H2BC15: variants seen among roughly 807,000 people sequenced by gnomAD.
The protein encoded by H2BC15 is H2B clustered histone 15.
A neutral mutation model predicts 6.6 loss-of-function variants in H2BC15; 5 were observed. The ratio of observed to expected loss-of-function variants is 0.75; its 90% CI spans 0.39 to 1.59. The LOEUF is 1.59. Among genes scored for constraint, H2BC15 ranks in the 40% most tolerant of loss-of-function variants. H2BC15 has a pLI of 0.02. For synonymous variants in H2BC15, 87 were observed against 75.2 expected (o/e 1.16, Z -0.81); for missense variants, 148 against 169.4 (o/e 0.87, Z 0.70).
chr6:27,839,074 C>A lies in H2BC15; in HGVS notation c.*32C>A, dbSNP rs1395042449. The A allele has an allele frequency of 6.2e-7, 1 of 1,609,686 alleles. No individual in the cohort carries two copies. The highest frequency in any genetic ancestry group is 8.5e-7 in the Non-Finnish European group (1 of 1,177,542). On this transcript the variant is annotated 3_prime_UTR_variant, in exon 1 of 1. Transcript: ENST00000612898. ...CCACCGCGGAACGTTCGGTCAGTCT[C>A]GGCCCACACCCCAAAGGCTCTTTTC...
Position 27,838,920 on chromosome 6 carries a change from C to G in H2BC15, c.259C>G (p.Arg87Gly). The change falls in exon 1 of 1, where the codon CGC becomes GGC. Residue 87 changes from arginine (R) to glycine (G), a missense_variant. By Grantham distance (125) the Arg-to-Gly change is moderately radical. Coordinates refer to ENST00000612898, the MANE Select transcript of H2BC15 (RefSeq NM_003520.4). ...TTCCCGCCTGGCGCATTACAACAAG[C>G]GCTCGACCATCACCTCCAGGGAGAT... ...EASRLAHYNK[R>G]STITSREIQT... is the part of the protein sequence containing the mutation. 1.2e-6 allele frequency: 2 copies of G among 1,614,272 alleles called. No individual in the cohort carries two copies. The highest frequency in any genetic ancestry group is 1.7e-6 in the Non-Finnish European group (2 of 1,180,054).
Position 27,839,088 on chromosome 6 carries a change from A to G in H2BC15, c.*46A>G, listed in dbSNP as rs1156561462. On this transcript the variant is annotated 3_prime_UTR_variant, in exon 1 of 1. Coordinates refer to ENST00000612898, the MANE Select transcript of H2BC15 (RefSeq NM_003520.4). ...TCGGTCAGTCTCGGCCCACACCCCAAAGGCTCTTTTCAGAGCCACTCAGTC... is the reference window on the plus strand; with the variant it reads ...TCGGTCAGTCTCGGCCCACACCCCAGAGGCTCTTTTCAGAGCCACTCAGTC... 2 of 1,600,976 alleles carry G rather than the reference A, an allele frequency of 1.2e-6. No homozygotes were observed. Among genetic ancestry groups the G allele is most frequent in the South Asian group, 1.1e-5 (1 of 89,932 alleles).
rs768616181 is a variant in H2BC15 at position 27,838,787 on chromosome 6, G to C, written c.126G>C (p.Val42=). 3 of 1,614,256 alleles carry C rather than the reference G, an allele frequency of 1.9e-6. No homozygotes were observed. Among genetic ancestry groups the C allele is most frequent in the Non-Finnish European group, 8.5e-7 (1 of 1,180,036 alleles). The part of the protein sequence containing the change: ...RSRKESYSVY[V]YKVLKQVHPD... ...GCAAGGAGAGCTACTCCGTGTACGTGTACAAGGTGCTGAAGCAGGTCCACC... is the reference window on the plus strand; with the variant it reads ...GCAAGGAGAGCTACTCCGTGTACGTCTACAAGGTGCTGAAGCAGGTCCACC... Residue 42 remains valine, a synonymous_variant, in exon 1 of 1, where the codon GTG becomes GTC. Transcript: ENST00000612898.
rs769278527 is a variant in H2BC15 at position 27,838,691 on chromosome 6, C to A, written c.30C>A (p.Ala10=). 6.2e-7 allele frequency: 1 copy of A among 1,614,144 alleles called. No homozygotes were observed. Among genetic ancestry groups the A allele is most frequent in the Non-Finnish European group, 8.5e-7 (1 of 1,180,020 alleles). MPEPSKSAP[A]PKKGSKKAVT... ...CCGAGCCCTCAAAGTCCGCTCCTGC[C>A]CCGAAGAAAGGCTCCAAGAAGGCAG... Residue 10 remains alanine (A), a synonymous_variant, in exon 1 of 1, where the codon GCC becomes GCA. Transcript: ENST00000612898.
At position 27,838,629 on chromosome 6, in the gene H2BC15, T is replaced by A; in HGVS notation, c.-33T>A. On this transcript the variant is annotated 5_prime_UTR_variant, in exon 1 of 1. Transcript: ENST00000612898. ...GACAGAGCTACCGTCTTCCTGTTTT[T>A]TTCCTCCAATTTTCCGGCAGTTACT... 6.2e-7 allele frequency: 1 copy of A among 1,609,944 alleles called. No individual in the cohort carries two copies. The highest frequency in any genetic ancestry group is 8.5e-7 in the Non-Finnish European group (1 of 1,178,042).
At position 27,838,900 on chromosome 6, in the gene H2BC15, G is replaced by T; in HGVS notation, c.239G>T (p.Arg80Leu). 6.2e-7 allele frequency: 1 copy of T among 1,614,254 alleles called. No individual in the cohort carries two copies. The highest frequency in any genetic ancestry group is 8.5e-7 in the Non-Finnish European group (1 of 1,180,048). ...IFERIAGEAS[R>L]LAHYNKRSTI... ...GAGCGCATCGCCGGCGAGGCTTCCC[G>T]CCTGGCGCATTACAACAAGCGCTCG... The change falls in exon 1 of 1, where the codon CGC becomes CTC. Residue 80 changes from arginine to leucine, a missense_variant. Around this residue, in one of 2 missense-constraint regions of H2BC15, gnomAD observed 58 missense variants for 94.6 expected, o/e 0.61. Coordinates refer to ENST00000612898, the MANE Select transcript of H2BC15 (RefSeq NM_003520.4).
Position 27,838,651 on chromosome 6 carries a change from T to C in H2BC15, c.-11T>C. 6.2e-7 allele frequency: 1 copy of C among 1,611,830 alleles called. No individual in the cohort carries two copies. Among genetic ancestry groups the C allele is most frequent in the South Asian group, 1.1e-5 (1 of 90,960 alleles). Reference sequence around the variant, plus strand: ...TTTTTTCCTCCAATTTTCCGGCAGTTACTCCCAGTCATGCCCGAGCCCTCA... The same window carrying C: ...TTTTTTCCTCCAATTTTCCGGCAGTCACTCCCAGTCATGCCCGAGCCCTCA... On this transcript the variant is annotated 5_prime_UTR_variant, in exon 1 of 1. Coordinates refer to ENST00000612898, the MANE Select transcript of H2BC15 (RefSeq NM_003520.4).
rs1340054889 is a variant in H2BC15, at chr6:27,838,644, C to G, written c.-18C>G. 2 of 1,609,804 alleles carry G rather than the reference C, an allele frequency of 1.2e-6. No individual in the cohort carries two copies. ...TTCCTGTTTTTTTCCTCCAATTTTC[C>G]GGCAGTTACTCCCAGTCATGCCCGA... On this transcript the variant is annotated 5_prime_UTR_variant, in exon 1 of 1. Coordinates refer to ENST00000612898, the MANE Select transcript of H2BC15 (RefSeq NM_003520.4).
rs143070428 is a variant in H2BC15, at chr6:27,838,945, T to A, written c.284T>A (p.Ile95Asn). 37 of 1,614,106 alleles carry A rather than the reference T, an allele frequency of 2.3e-5. No homozygotes were observed. Among genetic ancestry groups the A allele is most frequent in the Admixed American group, 5.0e-5 (3 of 60,008 alleles). Residue 95 changes from isoleucine (I) to asparagine (N), a missense_variant, in exon 1 of 1, where the codon ATC (isoleucine) becomes AAC (asparagine). Ile to Asn is a moderately radical substitution (Grantham distance 149). Transcript: ENST00000612898. ...NKRSTITSRE[I>N]QTAVRLLLPG... ...CGCTCGACCATCACCTCCAGGGAGA[T>A]CCAGACGGCCGTGCGCCTGCTGCTG...
At position 27,839,051 on chromosome 6, in the gene H2BC15, A is replaced by G; in HGVS notation, c.*9A>G. The G allele has an allele frequency of 6.2e-7, 1 of 1,613,272 alleles. No individual in the cohort carries two copies. Among genetic ancestry groups the G allele is most frequent in the Non-Finnish European group, 8.5e-7 (1 of 1,179,478 alleles). ...ACACCAGTTCCAAGTGAGCCCGCCCACCGCGGAACGTTCGGTCAGTCTCGG... is the reference window on the plus strand; with the variant it reads ...ACACCAGTTCCAAGTGAGCCCGCCCGCCGCGGAACGTTCGGTCAGTCTCGG... On this transcript the variant is annotated 3_prime_UTR_variant, in exon 1 of 1. Coordinates refer to ENST00000612898, the MANE Select transcript of H2BC15 (RefSeq NM_003520.4).
At position 27,838,594 on chromosome 6, in the gene H2BC15, G is replaced by C; in HGVS notation, c.-68G>C. 6.3e-7 allele frequency: 1 copy of C among 1,585,950 alleles called. No individual in the cohort carries two copies. On this transcript the variant is annotated 5_prime_UTR_variant, in exon 1 of 1. Transcript: ENST00000612898. ...ACTTGCGTTAAGAAGCAGTGAATAA[G>C]CGGTAGGTTGACAGAGCTACCGTCT...
rs1761095831 is a variant in H2BC15, at chr6:27,839,034, T to TC, written c.375dup (p.Lys126GlnfsTer?). On this transcript the variant is annotated frameshift_variant, in exon 1 of 1. Transcript: ENST00000612898. LOFTEE classifies it high-confidence loss of function. The stretch of plus-strand genomic sequence containing the variant: ...CAAGGCCGTCACCAAGTACACCAGT[T>TC]CCAAGTGAGCCCGCCCACCGCGGAA... 3.7e-6 allele frequency: 6 copies of TC among 1,613,750 alleles called. No individual in the cohort carries two copies. Among genetic ancestry groups the TC allele is most frequent in the Non-Finnish European group, 5.1e-6 (6 of 1,179,868 alleles).
chr6:27,838,897 C>T lies in H2BC15; in HGVS notation c.236C>T (p.Ser79Phe), dbSNP rs745961889. The change falls in exon 1 of 1, where the codon TCC becomes TTC. Residue 79 changes from serine (S) to phenylalanine (F), a missense_variant. By Grantham distance (155) the Ser-to-Phe change is radical (BLOSUM62 -2). Coordinates refer to ENST00000612898, the MANE Select transcript of H2BC15 (RefSeq NM_003520.4). Reference sequence around the variant, plus strand: ...TTCGAGCGCATCGCCGGCGAGGCTTCCCGCCTGGCGCATTACAACAAGCGC... The same window carrying T: ...TTCGAGCGCATCGCCGGCGAGGCTTTCCGCCTGGCGCATTACAACAAGCGC... ...DIFERIAGEA[S>F]RLAHYNKRST... 1 of 1,614,270 alleles carries T rather than the reference C, an allele frequency of 6.2e-7. No individual in the cohort carries two copies. The highest frequency in any genetic ancestry group is 1.1e-5 in the South Asian group (1 of 91,088).
Position 27,838,829 on chromosome 6 carries a change from G to T in H2BC15, c.168G>T (p.Ser56=), listed in dbSNP as rs377742867. 3.7e-6 allele frequency: 6 copies of T among 1,614,152 alleles called. No homozygotes were observed. In the African/African-American group the frequency reaches 5.3e-5, roughly 14 times the overall value. Residue 56 remains serine (S), a synonymous_variant, in exon 1 of 1, where the codon TCG becomes TCT. Coordinates refer to ENST00000612898, the MANE Select transcript of H2BC15 (RefSeq NM_003520.4). ...AGGTCCACCCCGACACCGGTATCTC[G>T]TCCAAGGCCATGGGCATCATGAACT... The part of the protein sequence containing the change: ...LKQVHPDTGI[S]SKAMGIMNSF...
In H2BC15 at chr6:27,839,035, C is replaced by T; in HGVS notation, c.374C>T (p.Ser125Phe). The change falls in exon 1 of 1, where the codon TCC becomes TTC. Residue 125 changes from serine (S) to phenylalanine (F), a missense_variant. Around this residue, in one of 2 missense-constraint regions of H2BC15, gnomAD observed 58 missense variants for 94.6 expected, o/e 0.61. Coordinates refer to ENST00000612898, the MANE Select transcript of H2BC15 (RefSeq NM_003520.4). ...GTKAVTKYTS[S>F]K Reference sequence around the variant, plus strand: ...AAGGCCGTCACCAAGTACACCAGTTCCAAGTGAGCCCGCCCACCGCGGAAC... The same window carrying T: ...AAGGCCGTCACCAAGTACACCAGTTTCAAGTGAGCCCGCCCACCGCGGAAC... The T allele has an allele frequency of 6.2e-7, 1 of 1,613,876 alleles. No individual in the cohort carries two copies. The highest frequency in any genetic ancestry group is 8.5e-7 in the Non-Finnish European group (1 of 1,179,848).
chr6:27,838,720 C>T lies in H2BC15; in HGVS notation c.59C>T (p.Thr20Ile). ...APKKGSKKAV[T>I]KAQKKDGKKR... ...AAGAAAGGCTCCAAGAAGGCAGTGA[C>T]AAAGGCCCAGAAGAAGGACGGCAAG... The change falls in exon 1 of 1, where the codon ACA becomes ATA. Residue 20 changes from threonine to isoleucine, a missense_variant. Transcript: ENST00000612898. The T allele has an allele frequency of 6.2e-7, 1 of 1,614,186 alleles. No individual in the cohort carries two copies. Among genetic ancestry groups the T allele is most frequent in the South Asian group, 1.1e-5 (1 of 91,078 alleles).
chr6:27,838,779 G>A lies in H2BC15; in HGVS notation c.118G>A (p.Val40Met), dbSNP rs1442342250. The A allele has an allele frequency of 1.2e-6, 2 of 1,614,254 alleles. No homozygotes were observed. Among genetic ancestry groups the A allele is most frequent in the South Asian group, 1.1e-5 (1 of 91,084 alleles). The change falls in exon 1 of 1, where the codon GTG becomes ATG. Residue 40 changes from valine (V) to methionine (M), a missense_variant. Around this residue, in one of 2 missense-constraint regions of H2BC15, gnomAD observed 90 missense variants for 74.7 expected, o/e 1.20. Coordinates refer to ENST00000612898, the MANE Select transcript of H2BC15 (RefSeq NM_003520.4). ...RKRSRKESYS[V>M]YVYKVLKQVH... is the part of the protein sequence containing the mutation. ...GCGCAGCCGCAAGGAGAGCTACTCC[G>A]TGTACGTGTACAAGGTGCTGAAGCA...
rs766426531 is a variant in H2BC15, at chr6:27,838,745, G to A, written c.84G>A (p.Lys28=). Residue 28 remains lysine (K), a synonymous_variant, in exon 1 of 1, where the codon AAG becomes AAA. Transcript: ENST00000612898. ...AVTKAQKKDG[K]KRKRSRKESY... ...CAAAGGCCCAGAAGAAGGACGGCAAGAAGCGCAAGCGCAGCCGCAAGGAGA... is the reference window on the plus strand; with the variant it reads ...CAAAGGCCCAGAAGAAGGACGGCAAAAAGCGCAAGCGCAGCCGCAAGGAGA... 6.2e-7 allele frequency: 1 copy of A among 1,614,260 alleles called. No homozygotes were observed. The highest frequency in any genetic ancestry group is 1.1e-5 in the South Asian group (1 of 91,086).
chr6:27,838,740 G>C lies in H2BC15; in HGVS notation c.79G>C (p.Gly27Arg). The C allele has an allele frequency of 1.2e-6, 2 of 1,614,220 alleles. No individual in the cohort carries two copies. The highest frequency in any genetic ancestry group is 1.7e-6 in the Non-Finnish European group (2 of 1,180,052). ...AGTGACAAAGGCCCAGAAGAAGGAC[G>C]GCAAGAAGCGCAAGCGCAGCCGCAA... ...KAVTKAQKKD[G>R]KKRKRSRKES... Residue 27 changes from glycine to arginine, a missense_variant, in exon 1 of 1, where the codon GGC becomes CGC. Coordinates refer to ENST00000612898, the MANE Select transcript of H2BC15 (RefSeq NM_003520.4).
Sources: allele counts gnomAD v4.1 joint callset, GRCh38; gene constraint gnomAD v4.1.1; regional missense constraint gnomAD v4.1.1; transcripts MANE v1.5; gene names NCBI Gene and HGNC (gene_info 2026-07-23, HGNC 2026-07-21).